RCHY1: variants seen among roughly 807,000 people sequenced by gnomAD.
RCHY1 encodes ring finger and CHY zinc finger domain containing 1, also known as RING finger and CHY zinc finger domain-containing protein 1.
RCHY1 carries 21 observed loss-of-function variants against 41.6 expected under a neutral mutation model. That is an observed-to-expected ratio of 0.51 (90% CI 0.36 to 0.73). RCHY1 has a LOEUF of 0.73. Ranked by LOEUF, RCHY1 falls within the 30% of genes least tolerant of loss-of-function variation. The pLI is 0.00. For synonymous variants in RCHY1, 79 were observed against 102.9 expected (o/e 0.77, Z 1.41); for missense variants, 265 against 325.3 (o/e 0.81, Z 1.43).
rs947692100 is a variant in RCHY1, at chr4:75,481,929, C to A, written c.*609G>T. The A allele has an allele frequency of 4.6e-5, 7 of 152,008 alleles. No individual in the cohort carries two copies. Among genetic ancestry groups the A allele is most frequent in the Non-Finnish European group, 1.0e-4 (7 of 67,966 alleles). 9.4% of individuals were successfully genotyped at this position (152,008 alleles called of 1,614,324 possible). ...GAATACCTCAAAAGAAAGAAAATTT[C>A]TTTTACATTATAGAACTGATGATAC... On this transcript the variant is annotated 3_prime_UTR_variant, in exon 9 of 9. Coordinates refer to ENST00000324439, the MANE Select transcript of RCHY1 (RefSeq NM_015436.4).
intron 3 of RCHY1, among the ~76,000 whole-genome samples, chr4:75,505,637 T>C (rs561401992): frequency 4.6e-4 from 70 of 152,280 alleles, no homozygotes; most frequent in African/African-American, 1.4e-3. Flanking sequence ...AAAGGCCATA[T>C]ATATGATTTT....
rs1271379446 is a variant in RCHY1, at chr4:75,487,556, TATATTCATAATATATATATTC to T, written c.657+3004_657+3024del. ...ATATTCATAATATATATATTCATAA[TATATTCATAATATATATATTC>T]ATATATATATTCATAATATATATTC... On this transcript the variant is annotated intron_variant, in intron 8 of 8. Transcript: ENST00000324439. 1.0e-3 allele frequency among the ~76,000 whole-genome samples: 112 copies of T among 107,184 alleles called. 22 individuals carry two copies. The highest frequency in any genetic ancestry group is 1.5e-3 in the Non-Finnish European group (87 of 58,350). 70.3% of individuals were successfully genotyped at this position (107,184 alleles called of 152,430 possible).
chr4:75,507,667 A>G (rs1281984473), intron 3 of RCHY1, among the ~76,000 whole-genome samples: 1 of 152,108 alleles, frequency 6.6e-6, no homozygotes, highest in African/African-American at 2.4e-5. Context: ...GCAAAAACTC[A>G]TCGAAAGAAA....
chr4:75,479,044 A>G lies in RCHY1; in HGVS notation c.*3494T>C, dbSNP rs1721320021. 1.3e-5 allele frequency: 2 copies of G among 152,158 alleles called. No individual in the cohort carries two copies. The highest frequency in any genetic ancestry group is 1.9e-4 in the East Asian group (1 of 5,204). 9.4% of individuals were successfully genotyped at this position (152,158 alleles called of 1,614,324 possible). A position where few individuals can be genotyped will look rare whatever the true frequency, so the allele number is the denominator to read the frequency against. On this transcript the variant is annotated 3_prime_UTR_variant, in exon 9 of 9. Transcript: ENST00000324439. ...AAGGGTACAAAATATCAGTTAGACAAGAGGAATAAACTTTACTGATCTATT... is the reference window on the plus strand; with the variant it reads ...AAGGGTACAAAATATCAGTTAGACAGGAGGAATAAACTTTACTGATCTATT...
intron 4 of RCHY1, among the ~76,000 whole-genome samples, chr4:75,492,460 G>A (rs1266635943): frequency 1.3e-5 from 2 of 151,924 alleles, no homozygotes; most frequent in African/African-American, 2.4e-5. Context: ...TGGAGGCCTA[G>A]AGAAGCTAAG....
At chr4:75,504,519 TATAAC>T (rs1479213512) in intron 3 of RCHY1, among the ~76,000 whole-genome samples, 2 of 152,236 alleles carry the variant, frequency 1.3e-5, no homozygotes, top group African/African-American at 4.8e-5. Flanking sequence ...ATATAATACA[TATAAC>T]ATACAAAATA....
chr4:75,499,494 A>C (rs10031553), intron 3 of RCHY1, among the ~76,000 whole-genome samples: 103,185 of 152,096 alleles, frequency 0.68, 36,120 homozygotes, highest in African/African-American at 0.86. Context: ...GCACTATTCA[A>C]AATAGCTGAA....
intron 3 of RCHY1, 98 bp from the exon 4 acceptor site, chr4:75,494,277 A>C (rs1227764294): frequency 2.0e-5 from 16 of 813,568 alleles, no homozygotes; most frequent in Non-Finnish European, 3.1e-5. Context: ...TGTAAAAAAA[A>C]TTTCCAGCCA....
At chr4:75,489,548 A>AGATATTGCAGATT (rs149878244) in intron 8 of RCHY1, among the ~76,000 whole-genome samples, 98,382 of 151,530 alleles carry the variant, frequency 0.65, 32,435 homozygotes, top group African/African-American at 0.76. Context: ...CCTTGGTCAA[A>AGATATTGCAGATT]GATATTGCAG....
chr4:75,514,617 G>T (rs533884442), upstream of RCHY1: 5 of 241,202 alleles, frequency 2.1e-5, no homozygotes, highest in East Asian at 3.3e-4. Context: ...GCGCGGAGAC[G>T]CTGGTTGGCC....
intron 3 of RCHY1, among the ~76,000 whole-genome samples, chr4:75,499,150 T>C (rs1723498684): frequency 6.6e-6 from 1 of 152,042 alleles, no homozygotes; most frequent in Non-Finnish European, 1.5e-5. Context: ...GACAAACTAA[T>C]GGCCAACAGG....
In RCHY1 at chr4:75,502,816, A is replaced by G. The variant is rs559155379; in HGVS notation, c.326+6004T>C. Among the ~76,000 whole-genome samples, 8 of 152,326 alleles carry G rather than the reference A, an allele frequency of 5.3e-5. No homozygotes were observed. In the South Asian group the frequency reaches 1.4e-3, roughly 28 times the overall value. The stretch of plus-strand genomic sequence containing the variant: ...TTTCATGTAGAAACATGAAAGAATG[A>G]CATGAAATAATCACTAATGCATAAT... On this transcript the variant is annotated intron_variant, in intron 3 of 8. Coordinates refer to ENST00000324439, the MANE Select transcript of RCHY1 (RefSeq NM_015436.4).
At chr4:75,495,919 TTATC>T (rs1439597170) in intron 3 of RCHY1, among the ~76,000 whole-genome samples, 1 of 152,150 alleles carries the variant, frequency 6.6e-6, no homozygotes, top group African/African-American at 2.4e-5. Context: ...ACACACATAT[TTATC>T]TATTCGTCTA....
At position 75,480,869 on chromosome 4, in the gene RCHY1, T is replaced by C. The variant is rs983428122; in HGVS notation, c.*1669A>G. 7.9e-5 allele frequency: 12 copies of C among 152,408 alleles called. No homozygotes were observed. Among genetic ancestry groups the C allele is most frequent in the African/African-American group, 2.9e-4 (12 of 41,452 alleles). The allele number at this position is 152,408 out of a possible 1,614,324, so 9.4% of individuals were successfully genotyped here. On this transcript the variant is annotated 3_prime_UTR_variant, in exon 9 of 9. Coordinates refer to ENST00000324439, the MANE Select transcript of RCHY1 (RefSeq NM_015436.4). ...AGCTGGGCATGGTGGCACACACCTG[T>C]AGTCCCAGCTACTCAGGAGGCTGAG...
chr4:75,511,101 C>T (rs980014038), intron 1 of RCHY1, among the ~76,000 whole-genome samples: 7 of 152,152 alleles, frequency 4.6e-5, no homozygotes, highest in Non-Finnish European at 1.0e-4. Context: ...TCCTTGGTTA[C>T]ATTAAAATCT....
At position 75,481,823 on chromosome 4, in the gene RCHY1, T is replaced by C. The variant is rs1333331119; in HGVS notation, c.*715A>G. The C allele has an allele frequency of 1.3e-5, 2 of 152,170 alleles. No homozygotes were observed. The highest frequency in any genetic ancestry group is 2.9e-5 in the Non-Finnish European group (2 of 68,022). The allele number at this position is 152,170 out of a possible 1,614,324, so 9.4% of individuals were successfully genotyped here. On this transcript the variant is annotated 3_prime_UTR_variant, in exon 9 of 9. Transcript: ENST00000324439. The stretch of plus-strand genomic sequence containing the variant: ...TAATTTTGGGCAACCTAAAAAAAAC[T>C]GTTTTCAATGTTGATGTTTTTATTA...
In RCHY1 at chr4:75,494,133, A is replaced by C. The variant is rs774602156; in HGVS notation, c.373T>G (p.Cys125Gly). 5 of 1,565,920 alleles carry C rather than the reference A, an allele frequency of 3.2e-6. No individual in the cohort carries two copies. The highest frequency in any genetic ancestry group is 4.3e-6 in the Non-Finnish European group (5 of 1,162,302). ...DFFHCLKCNLCLAMNLQGRHK... is the reference protein window; with the variant it reads ...DFFHCLKCNLGLAMNLQGRHK... ...CTTCCTTGAAGATTCATAGCTAGGC[A>C]TAAGTTACATTTCAAACAATGGAAA... The change falls in exon 4 of 9, where the codon TGC becomes GGC. Residue 125 changes from cysteine to glycine, a missense_variant. Physicochemically the swap from Cys to Gly is radical, Grantham distance 159. Coordinates refer to ENST00000324439, the MANE Select transcript of RCHY1 (RefSeq NM_015436.4).
rs77966089 is a variant in RCHY1 at position 75,509,497 on chromosome 4, T to C, written c.91-201A>G. The C allele has an allele frequency of 1.6e-3, 823 of 499,328 alleles. 4 individuals are homozygous for C. Among genetic ancestry groups the C allele is most frequent in the African/African-American group, 0.014 (758 of 52,390 alleles). 30.9% of individuals were successfully genotyped at this position (499,328 alleles called of 1,614,324 possible). ...TGTTAATTCTTCCCTTCAACATCAC[T>C]ACGTCTGTATGAAGTTGAACACAAC... On this transcript the variant is annotated intron_variant, in intron 1 of 8. Coordinates refer to ENST00000324439, the MANE Select transcript of RCHY1 (RefSeq NM_015436.4).
chr4:75,502,587 C>A (rs187297184), intron 3 of RCHY1, among the ~76,000 whole-genome samples: 3 of 152,060 alleles, frequency 2.0e-5, no homozygotes, highest in Non-Finnish European at 2.9e-5. Flanking sequence ...TCTACTTTTT[C>A]TTTAATAGAA....
Sources: allele counts gnomAD v4.1 joint callset (sites outside exome capture counted in the v4.1 genomes callset), GRCh38; gene constraint gnomAD v4.1.1; transcripts MANE v1.5; gene names NCBI Gene and HGNC (gene_info 2026-07-23, HGNC 2026-07-21).